SPTB: variants seen among roughly 807,000 people sequenced by gnomAD.
SPTB encodes the protein spectrin beta, erythrocytic.
A neutral mutation model predicts 256.2 loss-of-function variants in SPTB; 45 were observed. The ratio of observed to expected loss-of-function variants is 0.18; its 90% CI spans 0.14 to 0.23. SPTB has a LOEUF of 0.23. Ranked by LOEUF, SPTB falls within the 10% of genes least tolerant of loss-of-function variation. The pLI is 1.00. For missense variants in SPTB, 2,715 were observed against 3,040.4 expected, an observed-to-expected ratio of 0.89 and a Z score of 2.52; for synonymous variants, 1,231 against 1,243.1, an observed-to-expected ratio of 0.99 and a Z score of 0.21.
rs764604339 is a variant in SPTB, at chr14:64,793,878, T to C, written c.1796-11A>G. ...CACAAGGCTGGTACCCTGGAAGAAATAGGGGGAAGGAGGACAAAGTGGGGG... is the reference window on the plus strand; with the variant it reads ...CACAAGGCTGGTACCCTGGAAGAAACAGGGGGAAGGAGGACAAAGTGGGGG... On this transcript the variant is annotated splice_polypyrimidine_tract_variant and intron_variant, in intron 13 of 35. Transcript: ENST00000644917. This position sits in a 1 kb window ranked among gnomAD's most constrained non-coding sequence, Gnocchi z 7.0. 4.8e-5 allele frequency: 76 copies of C among 1,574,784 alleles called. No individual in the cohort carries two copies. The highest frequency in any genetic ancestry group is 2.7e-4 in the South Asian group (24 of 90,028).
intron 2 of SPTB, among the ~76,000 whole-genome samples, chr14:64,817,645 C>T (rs2083215874): frequency 6.6e-6 from 1 of 152,230 alleles, no homozygotes; most frequent in South Asian, 2.1e-4. Context: ...ATCACTTGCC[C>T]TCTGGACACA....
At chr14:64,801,453 G>C in intron 6 of SPTB, 53 bp from the exon 7 acceptor site, 1 of 1,325,872 alleles carries the variant, frequency 7.5e-7, no homozygotes, top group Non-Finnish European at 1.1e-6. Flanking sequence ...TCCCCACCAG[G>C]AGGGCAGCCC....
Position 64,851,201 on chromosome 14 carries a change from G to A in SPTB, c.-51-28056C>T, listed in dbSNP as rs60552839. On this transcript the variant is annotated intron_variant, in intron 1 of 35. Transcript: ENST00000644917. ...TTATGTTATTTCCGCTAGTGGAAAC[G>A]CAGTACAAGGATTAAGAGGCAGGGC... Among the ~76,000 whole-genome samples the A allele has an allele frequency of 2.5e-3, 381 of 152,296 alleles. 1 individual carries two copies. Among genetic ancestry groups the A allele is most frequent in the African/African-American group, 8.6e-3 (356 of 41,554 alleles).
intron 1 of SPTB, among the ~76,000 whole-genome samples, chr14:64,869,830 A>G (rs555716853): frequency 8.0e-6 from 1 of 125,612 alleles, no homozygotes; most frequent in Non-Finnish European, 1.7e-5. Flanking sequence ...AGGTCTTGCT[A>G]TGTTGTCCAG....
chr14:64,826,582 C>T lies in SPTB; in HGVS notation c.-51-3437G>A, dbSNP rs1041678680. 1.3e-5 allele frequency among the ~76,000 whole-genome samples: 2 copies of T among 152,178 alleles called. No individual in the cohort carries two copies. The highest frequency in any genetic ancestry group is 2.4e-5 in the African/African-American group (1 of 41,430). On this transcript the variant is annotated intron_variant, in intron 1 of 35. Transcript: ENST00000644917. The surrounding 1 kb of genome is among the most constrained non-coding windows in gnomAD (Gnocchi z 4.4). ...ATGGCTAAAATTAGATCTTAAATTG[C>T]ACTTCAGGCCCATCAGTAAACCCAG... is the stretch of plus-strand genomic sequence containing the variant.
rs771317070 is a variant in SPTB at position 64,844,380 on chromosome 14, G to A, written c.-51-21235C>T. 2.6e-5 allele frequency among the ~76,000 whole-genome samples: 4 copies of A among 152,162 alleles called. No homozygotes were observed. The highest frequency in any genetic ancestry group is 6.5e-5 in the Admixed American group (1 of 15,278). ...GTAGAATACCATCACCCCCAACAAC[G>A]AAACAACCATGTTTAGTGAGTACTT... On this transcript the variant is annotated intron_variant, in intron 1 of 35. Coordinates refer to ENST00000644917, the MANE Select transcript of SPTB (RefSeq NM_001355436.2). The surrounding 1 kb of genome is among the most constrained non-coding windows in gnomAD (Gnocchi z 4.1).
At chr14:64,805,113 G>T in intron 2 of SPTB, 23 bp from the exon 3 acceptor site, 1 of 1,614,140 alleles carries the variant, frequency 6.2e-7, no homozygotes. Context: ...AAGAACCTTG[G>T]TGAGGTGCCT....
At chr14:64,801,505 G>A (rs2082885383) in intron 6 of SPTB, 105 bp from the exon 7 acceptor site, 2 of 914,394 alleles carry the variant, frequency 2.2e-6, no homozygotes, top group African/African-American at 1.6e-5. Context: ...GAGGTGGTCA[G>A]GCAGGAGGAG....
At chr14:64,851,232 G>A (rs1013860296) in intron 1 of SPTB, among the ~76,000 whole-genome samples, 3 of 152,230 alleles carry the variant, frequency 2.0e-5, no homozygotes, top group African/African-American at 7.2e-5. Flanking sequence ...AGGGCTATGA[G>A]CAGATTTCCT....
In SPTB at chr14:64,845,625, CA is replaced by C. The variant is rs1250338893; in HGVS notation, c.-51-22481del. ...AAGCAAAAGGTTGTGACACCAGTAT[CA>C]GGAGACAGCAGGATCACCCAACTTA... On this transcript the variant is annotated intron_variant, in intron 1 of 35. Transcript: ENST00000644917. The surrounding 1 kb of genome is among the most constrained non-coding windows in gnomAD (Gnocchi z 4.8). 6.6e-6 allele frequency among the ~76,000 whole-genome samples: 1 copy of C among 152,184 alleles called. No homozygotes were observed. Among genetic ancestry groups the C allele is most frequent in the Non-Finnish European group, 1.5e-5 (1 of 68,034 alleles).
rs1485856617 is a variant in SPTB, at chr14:64,786,077, C to T, written c.3562-126G>A. On this transcript the variant is annotated intron_variant, in intron 16 of 35. Coordinates refer to ENST00000644917, the MANE Select transcript of SPTB (RefSeq NM_001355436.2). This position sits in a 1 kb window ranked among gnomAD's most constrained non-coding sequence, Gnocchi z 5.6. ...TATGAATGAGCCCCCTAGAGTAGTA[C>T]AGGGAGGAGGCACTACTCCCCAGGC... 5 of 996,370 alleles carry T rather than the reference C, an allele frequency of 5.0e-6. No individual in the cohort carries two copies. The highest frequency in any genetic ancestry group is 1.3e-5 in the South Asian group (1 of 74,862). The allele number at this position is 996,370 out of a possible 1,614,324, so 61.7% of individuals were successfully genotyped here.
chr14:64,823,809 G>C lies in SPTB; in HGVS notation c.-51-664C>G, dbSNP rs572741834. ...TTAGGGCTTCTTTGGAGCATGACCA[G>C]GTGCTCAGATGAGGTCTCCTGTTGA... On this transcript the variant is annotated intron_variant, in intron 1 of 35. Transcript: ENST00000644917. The surrounding 1 kb of genome is among the most constrained non-coding windows in gnomAD (Gnocchi z 6.5). Among the ~76,000 whole-genome samples the C allele has an allele frequency of 6.6e-6, 1 of 152,264 alleles. No homozygotes were observed. The highest frequency in any genetic ancestry group is 2.4e-5 in the African/African-American group (1 of 41,552).
Position 64,775,809 on chromosome 14 carries a change from CAGCTT to C in SPTB, c.4564-411_4564-407del, listed in dbSNP as rs1422261449. Among the ~76,000 whole-genome samples, 2 of 152,216 alleles carry C rather than the reference CAGCTT, an allele frequency of 1.3e-5. No homozygotes were observed. Among genetic ancestry groups the C allele is most frequent in the Non-Finnish European group, 2.9e-5 (2 of 68,040 alleles). ...TGGCCTTTTTGATACCTTATTCTAA[CAGCTT>C]TTGCAGGATTTATGCAGGATCATTT... is the stretch of plus-strand genomic sequence containing the variant. On this transcript the variant is annotated intron_variant, in intron 22 of 35. Coordinates refer to ENST00000644917, the MANE Select transcript of SPTB (RefSeq NM_001355436.2). This position sits in a 1 kb window ranked among gnomAD's most constrained non-coding sequence, Gnocchi z 5.0.
rs2081903210 is a variant in SPTB at position 64,749,280 on chromosome 14, T to G, written c.*26A>C. 1 of 1,555,048 alleles carries G rather than the reference T, an allele frequency of 6.4e-7. No individual in the cohort carries two copies. Among genetic ancestry groups the G allele is most frequent in the Non-Finnish European group, 8.7e-7 (1 of 1,155,536 alleles). ...CTGCCCGGTCTCTGCGCGTCCCGAC[T>G]CCGCCGCGCCCGCCAGCCCCACCTG... On this transcript the variant is annotated 3_prime_UTR_variant, in exon 36 of 36. Transcript: ENST00000644917. This position sits in a 1 kb window ranked among gnomAD's most constrained non-coding sequence, Gnocchi z 4.7.
rs1355518331 is a variant in SPTB at position 64,816,846 on chromosome 14, A to C, written c.148+6101T>G. On this transcript the variant is annotated intron_variant, in intron 2 of 35. Coordinates refer to ENST00000644917, the MANE Select transcript of SPTB (RefSeq NM_001355436.2). The surrounding 1 kb of genome is among the most constrained non-coding windows in gnomAD (Gnocchi z 4.2). The stretch of plus-strand genomic sequence containing the variant: ...GTGGGGGACACATGGGGCAGGGAGA[A>C]TGGGTGCTGGCTTTTCCTGAGAGCC... 6.7e-6 allele frequency among the ~76,000 whole-genome samples: 1 copy of C among 148,484 alleles called. No individual in the cohort carries two copies. The highest frequency in any genetic ancestry group is 6.6e-5 in the Admixed American group (1 of 15,154).
chr14:64,855,380 C>A (rs1422690652), intron 1 of SPTB, among the ~76,000 whole-genome samples: 1 of 152,146 alleles, frequency 6.6e-6, no homozygotes, highest in Non-Finnish European at 1.5e-5. Context: ...AGGAAAATGA[C>A]ACTCTAAGAA....
intron 1 of SPTB, among the ~76,000 whole-genome samples, chr14:64,839,068 G>A (rs967880373): frequency 6.6e-6 from 1 of 152,016 alleles, no homozygotes; most frequent in Admixed American, 6.5e-5. Flanking sequence ...GGAGGCAGAG[G>A]TTGCAGTGAG....
chr14:64,823,266 T>C lies in SPTB; in HGVS notation c.-51-121A>G. The C allele has an allele frequency of 1.3e-6, 1 of 751,582 alleles. No individual in the cohort carries two copies. The highest frequency in any genetic ancestry group is 2.3e-6 in the Non-Finnish European group (1 of 437,824). The allele number at this position is 751,582 out of a possible 1,614,324, so 46.6% of individuals were successfully genotyped here. A position where few individuals can be genotyped will look rare whatever the true frequency, so the allele number is the denominator to read the frequency against. ...CTGACAGAAGCAGAACGCCATGTCA[T>C]CTGCCTGGGCGTGCTTCCTACCAGG... On this transcript the variant is annotated intron_variant, in intron 1 of 35. Coordinates refer to ENST00000644917, the MANE Select transcript of SPTB (RefSeq NM_001355436.2). This position sits in a 1 kb window ranked among gnomAD's most constrained non-coding sequence, Gnocchi z 6.5.
At chr14:64,875,914 A>T (rs1044610913) in intron 1 of SPTB, among the ~76,000 whole-genome samples, 2 of 152,184 alleles carry the variant, frequency 1.3e-5, no homozygotes, top group East Asian at 1.9e-4. Context: ...TTATTTTTTT[A>T]AATTCTATAA....
Sources: gnomAD v4.1 joint callset for allele counts (sites outside exome capture counted in the v4.1 genomes callset) on GRCh38, gnomAD v4.1.1 for gene constraint, Gnocchi (gnomAD v3.1) non-coding constraint, MANE v1.5 for transcripts, NCBI Gene and HGNC (gene_info 2026-07-23, HGNC 2026-07-21) for gene names.